FAM3B: variants seen among roughly 807,000 people sequenced by gnomAD.
The protein encoded by FAM3B is FAM3 metabolism regulating signaling molecule B.
In FAM3B, 29 loss-of-function variants were observed where a neutral mutation model predicts 28.4. The observed-to-expected ratio is 1.02, with a 90% confidence interval of 0.76 to 1.39. The LOEUF is 1.39. Among genes scored for constraint, FAM3B ranks in the 40% most tolerant of loss-of-function variants. The probability of loss-of-function intolerance (pLI) is 0.00; values close to 1 mark genes in which losing one functional copy is unlikely to be tolerated. For synonymous variants in FAM3B, 91 were observed against 103.0 expected, an observed-to-expected ratio of 0.88 and a Z score of 0.71; for missense variants, 266 against 293.9, an observed-to-expected ratio of 0.91 and a Z score of 0.69.
At chr21:41,325,427 A>G (rs762939304) in intron 2 of FAM3B, among the ~76,000 whole-genome samples, 9 of 152,206 alleles carry the variant, frequency 5.9e-5, no homozygotes, top group Non-Finnish European at 1.3e-4. Context: ...TCATGACTCA[A>G]TATTTCTAGT....
Position 41,338,441 on chromosome 21 carries a change from ACAGGTTACTCAGCGGAGGTGG to A in FAM3B, c.231_251del (p.Leu78_Arg84del). The stretch of plus-strand genomic sequence containing the variant: ...CCCTGCCCATCTGACACCTATGCCT[ACAGGTTACTCAGCGGAGGTGG>A]CAGAAGCAAGTACGCCAAAATCTGC... On this transcript the variant is annotated inframe_deletion, in exon 3 of 8. Transcript: ENST00000357985. 3.1e-6 allele frequency: 5 copies of A among 1,614,240 alleles called. No homozygotes were observed. The highest frequency in any genetic ancestry group is 4.2e-6 in the Non-Finnish European group (5 of 1,180,044).
intron 1 of FAM3B, among the ~76,000 whole-genome samples, chr21:41,309,500 T>C (rs975746595): frequency 1.3e-5 from 2 of 152,240 alleles, no homozygotes; most frequent in Non-Finnish European, 2.9e-5. Flanking sequence ...CACGTGGAAC[T>C]GTAGGATATA....
At chr21:41,322,050 C>T (rs1390484845) in intron 1 of FAM3B, among the ~76,000 whole-genome samples, 1 of 152,156 alleles carries the variant, frequency 6.6e-6, no homozygotes, top group Non-Finnish European at 1.5e-5. Context: ...CAGTACCCAT[C>T]CTACTCAGGG....
At chr21:41,318,760 G>T (rs1310650869) in intron 1 of FAM3B, among the ~76,000 whole-genome samples, 1 of 152,226 alleles carries the variant, frequency 6.6e-6, no homozygotes, top group African/African-American at 2.4e-5. Flanking sequence ...AATAGACCTG[G>T]GTCCTAGGGC....
chr21:41,322,498 T>C, intron 1 of FAM3B: 1 of 691,090 alleles, frequency 1.4e-6, no homozygotes, highest in East Asian at 2.7e-5. Flanking sequence ...CAGACAGAGC[T>C]TTACCCCTGA....
In FAM3B at chr21:41,357,510, A is replaced by G; in HGVS notation, c.*313A>G. ...GTGGAGCTATGTTATGATCAGATCG[A>G]AGTGTGACCCCTGTGTGGTCCAGAC... is the stretch of plus-strand genomic sequence containing the variant. On this transcript the variant is annotated 3_prime_UTR_variant, in exon 8 of 8. Coordinates refer to ENST00000357985, the MANE Select transcript of FAM3B (RefSeq NM_058186.4). 1 of 208,412 alleles carries G rather than the reference A, an allele frequency of 4.8e-6. No homozygotes were observed. Among genetic ancestry groups the G allele is most frequent in the Non-Finnish European group, 9.8e-6 (1 of 102,094 alleles). The allele number at this position is 208,412 out of a possible 1,614,324, so 12.9% of individuals were successfully genotyped here.
chr21:41,332,140 T>C (rs1296787761), intron 2 of FAM3B, among the ~76,000 whole-genome samples: 1 of 152,138 alleles, frequency 6.6e-6, no homozygotes, highest in Non-Finnish European at 1.5e-5. Flanking sequence ...GTGTGTGGCA[T>C]CTCCCCCTGC....
At chr21:41,334,549 A>ACG (rs2088935947) in intron 2 of FAM3B, among the ~76,000 whole-genome samples, 1 of 152,194 alleles carries the variant, frequency 6.6e-6, no homozygotes, top group Non-Finnish European at 1.5e-5. Context: ...CATGATATTA[A>ACG]GCCTGCAGGT....
chr21:41,353,682 G>C (rs2089140638), intron 7 of FAM3B, among the ~76,000 whole-genome samples: 1 of 152,206 alleles, frequency 6.6e-6, no homozygotes, highest in Non-Finnish European at 1.5e-5. Flanking sequence ...ATACGTAAAT[G>C]TAATGGCTAA....
At chr21:41,335,351 CTGT>C (rs577430797) in intron 2 of FAM3B, among the ~76,000 whole-genome samples, 1 of 152,216 alleles carries the variant, frequency 6.6e-6, no homozygotes, top group Non-Finnish European at 1.5e-5. Flanking sequence ...ATTTTGCTCC[CTGT>C]TGTTGGAGGT....
intron 7 of FAM3B, among the ~76,000 whole-genome samples, chr21:41,350,013 C>T (rs1481073109): frequency 6.6e-6 from 1 of 152,240 alleles, no homozygotes; most frequent in Non-Finnish European, 1.5e-5. Flanking sequence ...GAGGCACTCC[C>T]TGAGCTCTGA....
At chr21:41,327,026 AAC>A (rs1319034878) in intron 2 of FAM3B, among the ~76,000 whole-genome samples, 1 of 152,200 alleles carries the variant, frequency 6.6e-6, no homozygotes, top group Non-Finnish European at 1.5e-5. Context: ...AAAGCCAGAA[AAC>A]AAAGAATGAG....
intron 3 of FAM3B, among the ~76,000 whole-genome samples, chr21:41,342,900 G>GT: frequency 6.6e-6 from 1 of 152,176 alleles, no homozygotes; most frequent in African/African-American, 2.4e-5. Context: ...TCCTGCACCT[G>GT]TTTTTTAAAA....
intron 1 of FAM3B, among the ~76,000 whole-genome samples, chr21:41,321,254 C>T (rs916633364): frequency 2.0e-5 from 3 of 152,196 alleles, no homozygotes; most frequent in Non-Finnish European, 4.4e-5. Context: ...GCGACCCACG[C>T]GGTGTCACAG....
At chr21:41,308,535 C>CTTTTTT (rs562737882) in intron 1 of FAM3B, among the ~76,000 whole-genome samples, 43 of 119,524 alleles carry the variant, frequency 3.6e-4, no homozygotes, top group Non-Finnish European at 5.2e-4. Context: ...TTTTTCTTTT[C>CTTTTTT]TTTTTTTTTT....
rs1428629577 is a variant in FAM3B, at chr21:41,316,973, C to G, written c.19+75C>G. On this transcript the variant is annotated intron_variant, in intron 1 of 7. Transcript: ENST00000357985. ...CCCAGGGGAAGCGTCGCTCCCCAAC[C>G]CTGCCTGGGACCCGCCACGCTTAGC... 57 of 1,197,774 alleles carry G rather than the reference C, an allele frequency of 4.8e-5. No homozygotes were observed. In the East Asian group the frequency reaches 1.8e-3, roughly 38 times the overall value. 74.2% of individuals were successfully genotyped at this position (1,197,774 alleles called of 1,614,324 possible). A position where few individuals can be genotyped will look rare whatever the true frequency, so the allele number is the denominator to read the frequency against.
intron 1 of FAM3B, among the ~76,000 whole-genome samples, chr21:41,308,868 G>A (rs550332801): frequency 6.6e-6 from 1 of 152,264 alleles, no homozygotes; most frequent in East Asian, 1.9e-4. Context: ...GAGTAGGGTT[G>A]GGACAAGTAG....
At chr21:41,313,047 C>T (rs1052055239), upstream of FAM3B, among the ~76,000 whole-genome samples, 8 of 152,196 alleles carry the variant, frequency 5.3e-5, no homozygotes, top group East Asian at 1.9e-4. Context: ...TCCTGAAGTA[C>T]GCTCAGCTAA....
chr21:41,352,338 G>A (rs1245549512), intron 7 of FAM3B, among the ~76,000 whole-genome samples: 2 of 152,098 alleles, frequency 1.3e-5, no homozygotes, highest in African/African-American at 4.8e-5. Context: ...TCCACCTCAA[G>A]GCTGTTTCTT....
Sources: gnomAD v4.1 joint callset for allele counts (sites outside exome capture counted in the v4.1 genomes callset) on GRCh38, gnomAD v4.1.1 for gene constraint, MANE v1.5 for transcripts, NCBI Gene and HGNC (gene_info 2026-07-23, HGNC 2026-07-21) for gene names.